Variants in ZNF469 observed in about 807,000 individuals in gnomAD.
The protein encoded by ZNF469 is zinc finger protein 469.
ZNF469 carries 1 observed loss-of-function variant against 1.0 expected under a neutral mutation model. That is an observed-to-expected ratio of 1.00 (90% CI 0.35 to 4.73). The LOEUF (loss-of-function observed/expected upper bound fraction) is 4.73. Among genes scored for constraint, ZNF469 ranks in the 30% most tolerant of loss-of-function variants. The probability of loss-of-function intolerance (pLI) is 0.16; values close to 1 mark genes in which losing one functional copy is unlikely to be tolerated. For missense variants in ZNF469, 6,100 were observed against 5,356.3 expected, an observed-to-expected ratio of 1.14 and a Z score of -4.33; for synonymous variants, 2,703 against 2,363.4, an observed-to-expected ratio of 1.14 and a Z score of -4.17.
At chr16:88,298,870 T>C in the ZNF469 span, among the ~76,000 whole-genome samples, 5 of 152,296 alleles carry the variant, frequency 3.3e-5, no homozygotes, top group East Asian at 9.7e-4. Flanking sequence ...CTGGCCCCAT[T>C]TTTCCCTCTG....
chr16:88,351,571 G>A, the ZNF469 span, among the ~76,000 whole-genome samples: 5 of 152,044 alleles, frequency 3.3e-5, no homozygotes, highest in African/African-American at 4.8e-5. Flanking sequence ...TGATGTCCCC[G>A]TGTCCTCCGC....
chr16:88,296,447 T>C, the ZNF469 span, among the ~76,000 whole-genome samples: 21 of 131,376 alleles, frequency 1.6e-4, no homozygotes, highest in Non-Finnish European at 9.9e-5. Context: ...CTCACAGACA[T>C]GCTCACCCTC....
At chr16:88,110,870 C>T in the ZNF469 span, among the ~76,000 whole-genome samples, 8,749 of 152,306 alleles carry the variant, frequency 0.057, 408 homozygotes, top group East Asian at 0.19. Flanking sequence ...TGGAGAAATG[C>T]GTCTGCAGCC....
chr16:88,376,571 C>T, the ZNF469 span, among the ~76,000 whole-genome samples: 17 of 152,352 alleles, frequency 1.1e-4, no homozygotes, highest in South Asian at 8.3e-4. Flanking sequence ...TTCCCGCGGC[C>T]GGCCGGTCTC....
the ZNF469 span, among the ~76,000 whole-genome samples, chr16:88,232,500 C>G: frequency 6.6e-6 from 1 of 152,160 alleles, no homozygotes; most frequent in Non-Finnish European, 1.5e-5. Context: ...GTAGAGAAAC[C>G]CCAGCATCTT....
chr16:88,149,090 G>T, the ZNF469 span, among the ~76,000 whole-genome samples: 14 of 152,036 alleles, frequency 9.2e-5, no homozygotes, highest in Non-Finnish European at 1.3e-4. Context: ...GGCTGGGCCT[G>T]GTTCATTTGT....
chr16:88,351,198 G>A, the ZNF469 span, among the ~76,000 whole-genome samples: 4 of 152,354 alleles, frequency 2.6e-5, no homozygotes, highest in African/African-American at 4.8e-5. Context: ...CCCGGCCCTC[G>A]GTGGCGTAGC....
At chr16:88,369,376 C>T in the ZNF469 span, among the ~76,000 whole-genome samples, 1 of 152,236 alleles carries the variant, frequency 6.6e-6, no homozygotes, top group Non-Finnish European at 1.5e-5. Flanking sequence ...CCCAGGGCTC[C>T]TTGGCATTGC....
At chr16:88,334,962 A>G in the ZNF469 span, among the ~76,000 whole-genome samples, 3 of 150,400 alleles carry the variant, frequency 2.0e-5, no homozygotes, top group Non-Finnish European at 3.0e-5. Flanking sequence ...CACATGTGTG[A>G]TGGAGATGGA....
Position 88,435,925 on chromosome 16 carries a change from C to G in ZNF469, c.8455C>G (p.Gln2819Glu). ...PADSTTSSCL[Q>E]GLPDNPDTQG... ...GGACAGCACCACCAGCAGCTGCCTC[C>G]AGGGCCTCCCGGACAACCCAGACAC... The change falls in exon 3 of 3, where the codon CAG becomes GAG. Residue 2819 changes from glutamine (Q) to glutamate (E), a missense_variant. Coordinates refer to ENST00000565624, the MANE Select transcript of ZNF469 (RefSeq NM_001367624.2). The G allele has an allele frequency of 6.5e-7, 1 of 1,550,084 alleles. No homozygotes were observed. Among genetic ancestry groups the G allele is most frequent in the Non-Finnish European group, 8.7e-7 (1 of 1,146,970 alleles).
chr16:88,258,666 G>T, the ZNF469 span, among the ~76,000 whole-genome samples: 19 of 152,138 alleles, frequency 1.2e-4, no homozygotes, highest in Admixed American at 3.9e-4. Context: ...TGAGCGTTTG[G>T]GTGAGGGTGA....
chr16:88,355,144 ACT>A, the ZNF469 span, among the ~76,000 whole-genome samples: 1 of 151,994 alleles, frequency 6.6e-6, no homozygotes, highest in Admixed American at 6.6e-5. Context: ...AGCTGCAGAC[ACT>A]CAGCTCCGCC....
the ZNF469 span, among the ~76,000 whole-genome samples, chr16:88,166,772 A>AACACACACACACACACACACACACACAC: frequency 2.7e-5 from 4 of 145,782 alleles, no homozygotes; most frequent in African/African-American, 1.0e-4. This position sits in a 1 kb window ranked among gnomAD's most constrained non-coding sequence, Gnocchi z 4.5. Context: ...CAGAATCATA[A>AACACACACACACACACACACACACACAC]ACACACACAC....
chr16:88,370,457 C>T, the ZNF469 span, among the ~76,000 whole-genome samples: 2 of 152,100 alleles, frequency 1.3e-5, no homozygotes, highest in African/African-American at 2.4e-5. Flanking sequence ...GCTCACTGTC[C>T]CCCCAGTCAC....
At chr16:88,136,920 C>T in the ZNF469 span, among the ~76,000 whole-genome samples, 1,103 of 152,346 alleles carry the variant, frequency 7.2e-3, 9 homozygotes, top group African/African-American at 0.023. Context: ...GTTCTGTCCT[C>T]CACACTCAAA....
chr16:88,381,171 C>T (rs1599340458), upstream of ZNF469, among the ~76,000 whole-genome samples: 1 of 146,988 alleles, frequency 6.8e-6, no homozygotes, highest in Non-Finnish European at 1.5e-5. Flanking sequence ...CACGCCCTCA[C>T]ACACAGACAT....
the ZNF469 span, among the ~76,000 whole-genome samples, chr16:88,290,950 C>T: frequency 7.2e-5 from 11 of 152,304 alleles, no homozygotes; most frequent in South Asian, 1.2e-3. Context: ...AAAACCAGAT[C>T]GGAGCGCGTC....
chr16:88,374,972 G>A, the ZNF469 span, among the ~76,000 whole-genome samples: 1 of 152,226 alleles, frequency 6.6e-6, no homozygotes, highest in Non-Finnish European at 1.5e-5. Flanking sequence ...ACAAGGCTCC[G>A]GGAAAACACA....
chr16:88,425,904 G>C (rs547773753), intron 2 of ZNF469, among the ~76,000 whole-genome samples: 1 of 152,178 alleles, frequency 6.6e-6, no homozygotes, highest in Non-Finnish European at 1.5e-5. Context: ...CTGGGACCTC[G>C]CCCACCCTGG....
Sources: allele counts gnomAD v4.1 joint callset (sites outside exome capture counted in the v4.1 genomes callset), GRCh38; gene constraint gnomAD v4.1.1; non-coding constraint Gnocchi (gnomAD v3.1); transcripts MANE v1.5; gene names NCBI Gene and HGNC (gene_info 2026-07-23, HGNC 2026-07-21).